The following HGD variants were observed in gnomAD, a reference collection of about 807,000 sequenced individuals.
HGD encodes the protein homogentisate 1,2-dioxygenase.
A neutral mutation model predicts 60.8 loss-of-function variants in HGD; 61 were observed. The ratio of observed to expected loss-of-function variants is 1.00; its 90% CI spans 0.82 to 1.24. HGD has a LOEUF of 1.24. Among genes scored for constraint, HGD ranks in the 50% most tolerant of loss-of-function variants. The pLI, the probability that HGD is intolerant of heterozygous loss-of-function variation, is 0.00. For synonymous variants in HGD, 212 were observed against 187.7 expected (o/e 1.13, Z -1.06); for missense variants, 542 against 547.1 (o/e 0.99, Z 0.09).
chr3:120,650,894 GT>G, intron 5 of HGD, 29 bp from the exon 6 acceptor site: 1 of 1,563,148 alleles, frequency 6.4e-7, no homozygotes, highest in Non-Finnish European at 8.8e-7. Context: ...AGAGGGAAAG[GT>G]TAATGTGAAC....
chr3:120,652,796 A>G (rs3732367), intron 4 of HGD, 145 bp from the exon 5 acceptor site: 84,855 of 646,250 alleles, frequency 0.13, 6,075 homozygotes, highest in East Asian at 0.2. Context: ...TATTAAAATG[A>G]TTATCCATCA....
At chr3:120,657,631 C>T (rs1941536746) in intron 4 of HGD, among the ~76,000 whole-genome samples, 1 of 152,016 alleles carries the variant, frequency 6.6e-6, no homozygotes. Flanking sequence ...TCTCACATTG[C>T]TATAAAGAAT....
intron 1 of HGD, among the ~76,000 whole-genome samples, chr3:120,680,318 G>A (rs1006753521): frequency 6.6e-6 from 1 of 152,080 alleles, no homozygotes; most frequent in Non-Finnish European, 1.5e-5. Context: ...AATGTTTATT[G>A]ATTAGAATGA....
In HGD at chr3:120,642,348, T is replaced by C. The variant is rs1439028713; in HGVS notation, c.775-655A>G. On this transcript the variant is annotated intron_variant, in intron 10 of 13. Coordinates refer to ENST00000283871, the MANE Select transcript of HGD (RefSeq NM_000187.4). Reference sequence around the variant, plus strand: ...TCATAGAGGCGTGGTTAGGGTTAACTGGAATGACTAGAAATGTTGAGGTAT... The same window carrying C: ...TCATAGAGGCGTGGTTAGGGTTAACCGGAATGACTAGAAATGTTGAGGTAT... Among the ~76,000 whole-genome samples the C allele has an allele frequency of 5.3e-5, 8 of 152,168 alleles. No homozygotes were observed. In the South Asian group the frequency reaches 1.2e-3, roughly 24 times the overall value.
rs1047179486 is a variant in HGD at position 120,658,046 on chromosome 3, T to A, written c.283-5395A>T. Among the ~76,000 whole-genome samples, 14 of 152,274 alleles carry A rather than the reference T, an allele frequency of 9.2e-5. No homozygotes were observed. In the East Asian group the frequency reaches 9.6e-4, roughly 10 times the overall value. On this transcript the variant is annotated intron_variant, in intron 4 of 13. Transcript: ENST00000283871. ...AGGGATTATAATTTGATATGAAATT[T>A]GGGTAGGGACACAGATCCAAACCAT...
In HGD at chr3:120,668,329, G is replaced by A. The variant is rs530020806; in HGVS notation, c.282+2098C>T. Among the ~76,000 whole-genome samples the A allele has an allele frequency of 3.3e-5, 5 of 152,126 alleles. No individual in the cohort carries two copies. In the South Asian group the frequency reaches 6.2e-4, roughly 19 times the overall value. On this transcript the variant is annotated intron_variant, in intron 4 of 13. Coordinates refer to ENST00000283871, the MANE Select transcript of HGD (RefSeq NM_000187.4). ...TAACATTCAAGCAGATGCTTATTTC[G>A]CTGAGATTTCCATAATTAAGACAAG...
intron 4 of HGD, among the ~76,000 whole-genome samples, chr3:120,663,049 G>A (rs35360713): frequency 0.13 from 19,858 of 152,094 alleles, 1,343 homozygotes; most frequent in East Asian, 0.19. Context: ...AAGCAACCCT[G>A]CCGATACCTC....
chr3:120,662,701 C>T (rs575349386), intron 4 of HGD, among the ~76,000 whole-genome samples: 4 of 152,136 alleles, frequency 2.6e-5, no homozygotes, highest in Admixed American at 1.3e-4. Context: ...CAACAACTAT[C>T]CCTTCATCTC....
chr3:120,661,429 A>T (rs1489319363), intron 4 of HGD, among the ~76,000 whole-genome samples: 1 of 152,206 alleles, frequency 6.6e-6, no homozygotes, highest in Admixed American at 6.5e-5. Context: ...GCCAGATTTT[A>T]TGCTAGATGC....
chr3:120,673,452 A>T (rs1391632649), intron 3 of HGD, among the ~76,000 whole-genome samples: 1 of 152,198 alleles, frequency 6.6e-6, no homozygotes, highest in East Asian at 1.9e-4. Flanking sequence ...ACAGGTTGTC[A>T]TAAATTAGAA....
intron 4 of HGD, among the ~76,000 whole-genome samples, chr3:120,653,635 G>A (rs917117202): frequency 1.3e-5 from 2 of 152,226 alleles, no homozygotes; most frequent in African/African-American, 4.8e-5. Context: ...AAGCAAAGCA[G>A]GATGGTCACA....
At chr3:120,646,828 A>G (rs1941179193) in intron 8 of HGD, 145 bp downstream of exon 8, 1 of 752,148 alleles carries the variant, frequency 1.3e-6, no homozygotes, top group Admixed American at 1.9e-5. Context: ...TCTTCAGCAC[A>G]TGGAACCTTC....
intron 9 of HGD, among the ~76,000 whole-genome samples, chr3:120,645,499 C>A (rs1168446426): frequency 6.6e-6 from 1 of 152,224 alleles, no homozygotes; most frequent in Admixed American, 6.5e-5. Context: ...AACAACCCCT[C>A]CTAACATTTT....
At chr3:120,652,470 G>GT (rs1941371596) in intron 5 of HGD, 122 bp downstream of exon 5, 2 of 745,966 alleles carry the variant, frequency 2.7e-6, no homozygotes, top group Non-Finnish European at 4.8e-6. Flanking sequence ...TACGCAGGTG[G>GT]TTTTGTCTCT....
At chr3:120,668,830 A>G (rs1227570708) in intron 4 of HGD, among the ~76,000 whole-genome samples, 1 of 152,148 alleles carries the variant, frequency 6.6e-6, no homozygotes, top group Non-Finnish European at 1.5e-5. Context: ...ATGCAAACCC[A>G]GGTCTGTTTT....
Position 120,641,650 on chromosome 3 carries a change from G to A in HGD, c.818C>T (p.Thr273Ile). 5 of 1,614,002 alleles carry A rather than the reference G, an allele frequency of 3.1e-6. No individual in the cohort carries two copies. The highest frequency in any genetic ancestry group is 4.2e-6 in the Non-Finnish European group (5 of 1,179,854). Residue 273 changes from threonine to isoleucine, a missense_variant, in exon 11 of 14, where the codon ACA becomes ATA. Around this residue, in one of 2 missense-constraint regions of HGD, gnomAD observed 537 missense variants for 529.1 expected, o/e 1.01. Coordinates refer to ENST00000283871, the MANE Select transcript of HGD (RefSeq NM_000187.4). The stretch of plus-strand genomic sequence containing the variant: ...ATTCTTCAGGTTGTACTTGTAGGGT[G>A]TATAATTCCCGTGCCAGGCCACAAC... ...FNVVAWHGNY[T>I]PYKYNLKNFM...
intron 13 of HGD, among the ~76,000 whole-genome samples, chr3:120,632,339 T>C (rs1045924664): frequency 2.6e-5 from 4 of 152,126 alleles, no homozygotes; most frequent in Non-Finnish European, 5.9e-5. Flanking sequence ...CAAATTTGCA[T>C]GTGATTTAGC....
At chr3:120,630,843 T>TACAC (rs111540631) in intron 13 of HGD, among the ~76,000 whole-genome samples, 2,240 of 116,668 alleles carry the variant, frequency 0.019, 49 homozygotes, top group African/African-American at 0.061. Flanking sequence ...CACACACACA[T>TACAC]ACACACACAC....
intron 3 of HGD, among the ~76,000 whole-genome samples, chr3:120,673,624 T>C (rs4676817): frequency 6.6e-6 from 1 of 152,044 alleles, no homozygotes; most frequent in Non-Finnish European, 1.5e-5. Flanking sequence ...GAGAGAAAAG[T>C]ACTGTTGATA....
Sources: gnomAD v4.1 joint callset for allele counts (sites outside exome capture counted in the v4.1 genomes callset) on GRCh38, gnomAD v4.1.1 for gene constraint, gnomAD v4.1.1 regional missense constraint, MANE v1.5 for transcripts, NCBI Gene and HGNC (gene_info 2026-07-23, HGNC 2026-07-21) for gene names.